The following MSRA variants were observed in gnomAD, a reference collection of about 807,000 sequenced individuals.
The protein encoded by MSRA is methionine sulfoxide reductase A.
Under a neutral mutation model 31.3 loss-of-function variants are expected in MSRA, and 54 were observed. That is an observed-to-expected ratio of 1.73 (90% confidence interval 1.39 to 2.17). MSRA has a LOEUF of 2.17. Among genes scored for constraint, MSRA ranks in the 30% most tolerant of loss-of-function variants. The pLI, the probability that MSRA is intolerant of heterozygous loss-of-function variation, is 0.00. For synonymous variants in MSRA, 169 were observed against 116.5 expected (o/e 1.45, Z -2.90); for missense variants, 507 against 300.9 (o/e 1.69, Z -5.07).
At chr8:10,302,093 G>A (rs145317933) in intron 4 of MSRA, among the ~76,000 whole-genome samples, 1 of 152,260 alleles carries the variant, frequency 6.6e-6, no homozygotes, top group African/African-American at 2.4e-5. Flanking sequence ...TGATAAAGAA[G>A]AACATAAAGG....
chr8:10,127,024 C>T (rs1186577711), intron 1 of MSRA, among the ~76,000 whole-genome samples: 1 of 152,206 alleles, frequency 6.6e-6, no homozygotes, highest in South Asian at 2.1e-4. Context: ...GGGTTGGGGA[C>T]CCCTGCTCTA....
intron 1 of MSRA, among the ~76,000 whole-genome samples, chr8:10,095,277 T>C (rs1799078270): frequency 6.6e-6 from 1 of 152,218 alleles, no homozygotes; most frequent in Admixed American, 6.5e-5. Flanking sequence ...AGATTCCTTA[T>C]TGCTGAGCAG....
intron 5 of MSRA, among the ~76,000 whole-genome samples, chr8:10,395,494 A>T (rs1807040354): frequency 6.6e-6 from 1 of 152,180 alleles, no homozygotes; most frequent in Admixed American, 6.5e-5. Context: ...TGACATGGCC[A>T]CAGATGTATT....
intron 3 of MSRA, chr8:10,250,468 A>G: frequency 1.4e-6 from 1 of 702,538 alleles, no homozygotes; most frequent in Non-Finnish European, 2.6e-6. Flanking sequence ...AAAAGCTTTT[A>G]GAAATCTGCA....
At chr8:10,342,361 C>T (rs530076249) in intron 5 of MSRA, among the ~76,000 whole-genome samples, 53 of 152,288 alleles carry the variant, frequency 3.5e-4, no homozygotes, top group Non-Finnish European at 6.6e-4. Flanking sequence ...CATCAGCCAT[C>T]GAGTGTTGAT....
At chr8:10,241,953 A>C (rs138010473) in intron 2 of MSRA, among the ~76,000 whole-genome samples, 1,765 of 152,276 alleles carry the variant, frequency 0.012, 34 homozygotes, top group African/African-American at 0.041. Context: ...AAAGGAAAAG[A>C]ATGGAGACAA....
chr8:10,283,418 A>G (rs752649882), intron 3 of MSRA, among the ~76,000 whole-genome samples: 1 of 152,020 alleles, frequency 6.6e-6, no homozygotes, highest in Non-Finnish European at 1.5e-5. Flanking sequence ...GAAATGTCCT[A>G]TCTACTGCTT....
At chr8:10,269,743 C>T (rs546777394) in intron 3 of MSRA, among the ~76,000 whole-genome samples, 11 of 152,310 alleles carry the variant, frequency 7.2e-5, no homozygotes, top group South Asian at 4.1e-4. Context: ...CTCCACCTCC[C>T]GGGGTTCACG....
At chr8:10,326,805 T>C (rs1163918000) in intron 5 of MSRA, among the ~76,000 whole-genome samples, 1 of 152,210 alleles carries the variant, frequency 6.6e-6, no homozygotes, top group Non-Finnish European at 1.5e-5. Context: ...GGACAATTTA[T>C]CTCCCAAGTG....
At chr8:10,171,808 A>G (rs2129046617) in intron 1 of MSRA, among the ~76,000 whole-genome samples, 1 of 152,356 alleles carries the variant, frequency 6.6e-6, no homozygotes, top group East Asian at 1.9e-4. Flanking sequence ...TAGCATTCTA[A>G]TAATTCTGTT....
intron 5 of MSRA, among the ~76,000 whole-genome samples, chr8:10,410,852 A>C (rs902713887): frequency 1.3e-5 from 2 of 152,228 alleles, no homozygotes; most frequent in African/African-American, 4.8e-5. Flanking sequence ...AAATTGTATA[A>C]TTAGCTTATG....
At chr8:10,138,197 A>G (rs914019120) in intron 1 of MSRA, among the ~76,000 whole-genome samples, 1 of 152,212 alleles carries the variant, frequency 6.6e-6, no homozygotes, top group African/African-American at 2.4e-5. Context: ...TGTGCAGTAC[A>G]GATAGAGGTG....
chr8:10,165,446 A>T (rs1805042630), intron 1 of MSRA, among the ~76,000 whole-genome samples: 1 of 152,126 alleles, frequency 6.6e-6, no homozygotes, highest in African/African-American at 2.4e-5. Context: ...AGTCAAACAA[A>T]ATTTTAGATA....
chr8:10,372,517 C>G (rs374026032), intron 5 of MSRA, among the ~76,000 whole-genome samples: 1 of 152,164 alleles, frequency 6.6e-6, no homozygotes, highest in East Asian at 1.9e-4. Flanking sequence ...TAAATGAAAT[C>G]TCAGAGAGTC....
intron 5 of MSRA, among the ~76,000 whole-genome samples, chr8:10,425,286 C>T (rs1011786312): frequency 7.2e-5 from 11 of 152,210 alleles, no homozygotes; most frequent in Non-Finnish European, 1.5e-4. Flanking sequence ...GGTGCAGAGG[C>T]GTGGGTGGGC....
chr8:10,382,855 C>T (rs563433789), intron 5 of MSRA, among the ~76,000 whole-genome samples: 17 of 152,334 alleles, frequency 1.1e-4, no homozygotes, highest in South Asian at 1.0e-3. Flanking sequence ...CTGCCCCTGA[C>T]GGTTCCTGGT....
chr8:10,283,154 A>T (rs1281854971), intron 3 of MSRA, among the ~76,000 whole-genome samples: 3 of 87,698 alleles, frequency 3.4e-5, no homozygotes, highest in Admixed American at 1.0e-4. Flanking sequence ...ACACACACAC[A>T]CACACACTCT....
chr8:10,068,777 A>G (rs1797587605), intron 1 of MSRA, among the ~76,000 whole-genome samples: 1 of 151,932 alleles, frequency 6.6e-6, no homozygotes, highest in African/African-American at 2.4e-5. Flanking sequence ...CCCCCTTTCC[A>G]TATAAAGTTT....
chr8:10,100,207 G>T (rs1024572964), intron 1 of MSRA, among the ~76,000 whole-genome samples: 4 of 152,180 alleles, frequency 2.6e-5, no homozygotes, highest in African/African-American at 9.7e-5. Context: ...TAAATGGGTT[G>T]CTGAGGCCAG....
Sources: gnomAD v4.1 joint callset for allele counts (sites outside exome capture counted in the v4.1 genomes callset) on GRCh38, gnomAD v4.1.1 for gene constraint, MANE v1.5 for transcripts, NCBI Gene and HGNC (gene_info 2026-07-23, HGNC 2026-07-21) for gene names.